The following ATP5MJ variants were observed in gnomAD, a reference collection of about 807,000 sequenced individuals.
The protein encoded by ATP5MJ is ATP synthase F(0) complex subunit j, mitochondrial.
A neutral mutation model predicts 8.3 loss-of-function variants in ATP5MJ; 4 were observed. The observed-to-expected ratio is 0.48, with a 90% CI of 0.24 to 1.11. The LOEUF is 1.11. Among genes scored for constraint, ATP5MJ ranks in the 50% least tolerant of loss-of-function variants. ATP5MJ has a pLI of 0.18. For missense variants in ATP5MJ, 66 were observed against 71.8 expected (o/e 0.92, Z 0.29); for synonymous variants, 23 against 21.3 (o/e 1.08, Z -0.23).
At chr14:103,921,161 T>G in intron 1 of ATP5MJ, 2 of 834,416 alleles carry the variant, frequency 2.4e-6, no homozygotes, top group Non-Finnish European at 3.8e-6. Context: ...TAACTCTGCG[T>G]AGCCTCTGGG....
chr14:103,916,986 G>A (rs116846790), intron 1 of ATP5MJ, among the ~76,000 whole-genome samples: 246 of 152,228 alleles, frequency 1.6e-3, no homozygotes, highest in Non-Finnish European at 2.8e-3. Flanking sequence ...ACTGAAACCC[G>A]GATCGTGTGG....
Position 103,912,533 on chromosome 14 carries a change from T to A in ATP5MJ, c.*133A>T. Reference sequence around the variant, plus strand: ...GGTAGCAGTGCATCTCACAGATCCATTTATTCATGCCATGAAGTAAACGGT... The same window carrying A: ...GGTAGCAGTGCATCTCACAGATCCAATTATTCATGCCATGAAGTAAACGGT... On this transcript the variant is annotated 3_prime_UTR_variant, in exon 4 of 4. Transcript: ENST00000286953. 1.1e-6 allele frequency: 1 copy of A among 946,138 alleles called. No individual in the cohort carries two copies. Among genetic ancestry groups the A allele is most frequent in the Non-Finnish European group, 1.7e-6 (1 of 601,980 alleles). 58.6% of individuals were successfully genotyped at this position (946,138 alleles called of 1,614,324 possible).
rs1260418974 is a variant in ATP5MJ, at chr14:103,914,758, G to T, written c.124+308C>A. ...GGGAGAATCACCTGAAATCACCTGAGCCTAGGAGGTGGAGGCTGCAGTGAA... is the reference window on the plus strand; with the variant it reads ...GGGAGAATCACCTGAAATCACCTGATCCTAGGAGGTGGAGGCTGCAGTGAA... On this transcript the variant is annotated intron_variant, in intron 2 of 3. Coordinates refer to ENST00000286953, the MANE Select transcript of ATP5MJ (RefSeq NM_004894.3). 5.7e-6 allele frequency: 3 copies of T among 528,412 alleles called. No homozygotes were observed. In the African/African-American group the frequency reaches 6.0e-5, roughly 11 times the overall value. 32.7% of individuals were successfully genotyped at this position (528,412 alleles called of 1,614,324 possible).
At chr14:103,918,572 G>T (rs886560480) in intron 1 of ATP5MJ, among the ~76,000 whole-genome samples, 29 of 151,788 alleles carry the variant, frequency 1.9e-4, no homozygotes, top group African/African-American at 6.5e-4. Flanking sequence ...GTGTTAGTCA[G>T]GATGGTCTCG....
At chr14:103,918,990 C>G (rs2087648843) in intron 1 of ATP5MJ, among the ~76,000 whole-genome samples, 1 of 151,258 alleles carries the variant, frequency 6.6e-6, no homozygotes. Flanking sequence ...CCACTGCACT[C>G]CAGCCTGGGT....
intron 1 of ATP5MJ, among the ~76,000 whole-genome samples, chr14:103,917,600 C>G (rs879396739): frequency 6.6e-6 from 1 of 152,206 alleles, no homozygotes; most frequent in Admixed American, 6.5e-5. Flanking sequence ...CCTCCCCCAC[C>G]GTGGGAGCTA....
At chr14:103,916,303 T>TACG (rs2087625321) in intron 1 of ATP5MJ, among the ~76,000 whole-genome samples, 1 of 152,264 alleles carries the variant, frequency 6.6e-6, no homozygotes, top group Non-Finnish European at 1.5e-5. Flanking sequence ...TTTTACAATT[T>TACG]ACTCTCTACT....
chr14:103,914,842 A>AAAAAAAAAAAAAAAAAAAAAT (rs2087611017), intron 2 of ATP5MJ: 1 of 394,824 alleles, frequency 2.5e-6, no homozygotes, highest in African/African-American at 2.3e-5. Context: ...GTCTCCAAAA[A>AAAAAAAAAAAAAAAAAAAAAT]AAAAAAAAAA....
intron 2 of ATP5MJ, chr14:103,914,736 A>C: frequency 1.9e-6 from 1 of 527,720 alleles, no homozygotes; most frequent in Non-Finnish European, 3.3e-6. Context: ...CTGAGGTGGG[A>C]GAATCACCTG....
At chr14:103,917,218 A>G (rs1048710939) in intron 1 of ATP5MJ, among the ~76,000 whole-genome samples, 32 of 152,300 alleles carry the variant, frequency 2.1e-4, no homozygotes, top group African/African-American at 7.7e-4. Context: ...TAAACCGCTT[A>G]AGTTTTCTCA....
intron 1 of ATP5MJ, chr14:103,921,033 C>T: frequency 6.4e-7 from 1 of 1,551,576 alleles, no homozygotes; most frequent in Non-Finnish European, 8.7e-7. Flanking sequence ...GTTGCCTCAC[C>T]CAAGTTGTCA....
rs2087602344 is a variant in ATP5MJ, at chr14:103,913,950, A to G, written c.148+11T>C. ...TCCATTCCCAACCATTTTCAGAAGC[A>G]AAAATCTTACCTTTCAAAGCCTTAC... On this transcript the variant is annotated intron_variant, in intron 3 of 3. Transcript: ENST00000286953. 1 of 1,612,358 alleles carries G rather than the reference A, an allele frequency of 6.2e-7. No individual in the cohort carries two copies. Among genetic ancestry groups the G allele is most frequent in the East Asian group, 2.2e-5 (1 of 44,876 alleles).
At chr14:103,916,191 T>C (rs2087624240) in intron 1 of ATP5MJ, among the ~76,000 whole-genome samples, 1 of 152,164 alleles carries the variant, frequency 6.6e-6, no homozygotes, top group Non-Finnish European at 1.5e-5. Flanking sequence ...TCAATAAAGG[T>C]AGTTACTTAA....
In ATP5MJ at chr14:103,920,884, T is replaced by G. The variant is rs1448545491; in HGVS notation, c.-1+586A>C. On this transcript the variant is annotated intron_variant, in intron 1 of 3. Coordinates refer to ENST00000286953, the MANE Select transcript of ATP5MJ (RefSeq NM_004894.3). ...ATTCATAGGCCAAACGTGTGTCTACTGTATCCACTTAAGTCTGCAAAGTTT... is the reference window on the plus strand; with the variant it reads ...ATTCATAGGCCAAACGTGTGTCTACGGTATCCACTTAAGTCTGCAAAGTTT... 3.4e-5 allele frequency: 42 copies of G among 1,234,454 alleles called. 1 individual carries two copies. The South Asian group carries it at 5.4e-4, about 16-fold the overall frequency. The allele number at this position is 1,234,454 out of a possible 1,614,324, so 76.5% of individuals were successfully genotyped here.
rs2087615200 is a variant in ATP5MJ at position 103,915,147 on chromosome 14, G to T, written c.43C>A (p.Pro15Thr). The change falls in exon 2 of 4, where the codon CCC becomes ACC. Residue 15 changes from proline (P) to threonine (T), a missense_variant. Coordinates refer to ENST00000286953, the MANE Select transcript of ATP5MJ (RefSeq NM_004894.3). ...TCCTGGTAAACTTTGGTGTAGTAGGGCTTCATGGGGATCCATATGTTTTTA... is the reference window on the plus strand; with the variant it reads ...TCCTGGTAAACTTTGGTGTAGTAGGTCTTCATGGGGATCCATATGTTTTTA... ...IIKNIWIPMK[P>T]YYTKVYQEIW... The T allele has an allele frequency of 6.2e-7, 1 of 1,613,704 alleles. No individual in the cohort carries two copies. Among genetic ancestry groups the T allele is most frequent in the Non-Finnish European group, 8.5e-7 (1 of 1,179,686 alleles).
chr14:103,919,653 G>T (rs2087656580), intron 1 of ATP5MJ, among the ~76,000 whole-genome samples: 1 of 152,126 alleles, frequency 6.6e-6, no homozygotes, highest in South Asian at 2.1e-4. Context: ...CTGACATTGT[G>T]CTCCGGGCCC....
At chr14:103,920,831 A>C (rs375697657) in intron 1 of ATP5MJ, 2 of 847,780 alleles carry the variant, frequency 2.4e-6, no homozygotes, top group East Asian at 2.7e-5. Context: ...TCAGTTTTAC[A>C]GCACCAGACC....
chr14:103,920,468 CTTTTTTTTTTT>C (rs57538744), intron 1 of ATP5MJ, among the ~76,000 whole-genome samples: 3 of 106,574 alleles, frequency 2.8e-5, no homozygotes, highest in African/African-American at 3.7e-5. Flanking sequence ...ACAGCCCCTA[CTTTTTTTTTTT>C]TTTTTTTTTT....
chr14:103,920,529 T>C (rs1045830918), intron 1 of ATP5MJ, among the ~76,000 whole-genome samples: 3 of 143,230 alleles, frequency 2.1e-5, no homozygotes, highest in African/African-American at 7.8e-5. Flanking sequence ...TGGAATGCAA[T>C]GGCGCGATCT....
Sources: allele counts gnomAD v4.1 joint callset (sites outside exome capture counted in the v4.1 genomes callset), GRCh38; gene constraint gnomAD v4.1.1; transcripts MANE v1.5; gene names NCBI Gene and HGNC (gene_info 2026-07-23, HGNC 2026-07-21).